Variants in SIK3 observed in about 807,000 individuals in gnomAD.
The protein encoded by SIK3 is SIK family kinase 3.
SIK3 carries 28 observed loss-of-function variants against 144.2 expected under a neutral mutation model. The observed-to-expected ratio is 0.19, with a 90% CI of 0.14 to 0.27. SIK3 has a LOEUF of 0.27. Among genes scored for constraint, SIK3 ranks in the 10% least tolerant of loss-of-function variants. The pLI is 1.00. For synonymous variants in SIK3, 686 were observed against 676.3 expected (o/e 1.01, Z -0.22); for missense variants, 1,319 against 1,776.0 (o/e 0.74, Z 4.62).
chr11:117,053,038 A>T (rs1953334187), intron 1 of SIK3, among the ~76,000 whole-genome samples: 1 of 152,148 alleles, frequency 6.6e-6, no homozygotes, highest in Non-Finnish European at 1.5e-5. Flanking sequence ...TGGGAAATAT[A>T]CACAAAAAAG....
chr11:116,887,896 A>AC (rs1944907270), intron 6 of SIK3, among the ~76,000 whole-genome samples: 1 of 152,226 alleles, frequency 6.6e-6, no homozygotes, highest in Non-Finnish European at 1.5e-5. Context: ...TTCCAACTTG[A>AC]AAATATATGT....
At chr11:117,039,092 T>G (rs951233426) in intron 1 of SIK3, among the ~76,000 whole-genome samples, 10 of 151,994 alleles carry the variant, frequency 6.6e-5, no homozygotes, top group Non-Finnish European at 1.5e-4. Context: ...ACGGAGCATC[T>G]TTAGATCAGA....
chr11:116,984,569 T>C (rs1199002301), intron 1 of SIK3, among the ~76,000 whole-genome samples: 1 of 152,184 alleles, frequency 6.6e-6, no homozygotes, highest in Admixed American at 6.5e-5. Flanking sequence ...AAAGTATGCA[T>C]TTGGTGCTGG....
intron 2 of SIK3, among the ~76,000 whole-genome samples, chr11:116,955,548 A>G (rs1949108101): frequency 6.6e-6 from 1 of 152,240 alleles, no homozygotes. Flanking sequence ...GCAAACTTGC[A>G]GAATTCAGTT....
chr11:116,927,318 C>T lies in SIK3; in HGVS notation c.517G>A (p.Val173Ile), dbSNP rs1303238161. 6.2e-7 allele frequency: 1 copy of T among 1,613,978 alleles called. No homozygotes were observed. Among genetic ancestry groups the T allele is most frequent in the Non-Finnish European group, 8.5e-7 (1 of 1,179,896 alleles). Residue 173 changes from valine (V) to isoleucine (I), a missense_variant, in exon 4 of 25, where the codon GTC becomes ATC. Val to Ile is a conservative substitution (Grantham distance 29, BLOSUM62 3). Coordinates refer to ENST00000445177, the MANE Select transcript of SIK3 (RefSeq NM_001366686.3). ...KEARRKFKQIVTAVYFCHCRN... is the reference protein window; with the variant it reads ...KEARRKFKQIITAVYFCHCRN... ...CAGTGACAAAAATAGACAGCTGTGA[C>T]GATCTGTTTGAACTTCCGACGTGCC...
At chr11:116,886,244 T>C (rs558153920) in intron 6 of SIK3, among the ~76,000 whole-genome samples, 1 of 152,352 alleles carries the variant, frequency 6.6e-6, no homozygotes, top group South Asian at 2.1e-4. Flanking sequence ...AAGCACTACA[T>C]AGATTTTTCT....
intron 1 of SIK3, among the ~76,000 whole-genome samples, chr11:117,085,645 A>C (rs959609016): frequency 6.6e-6 from 1 of 152,154 alleles, no homozygotes; most frequent in African/African-American, 2.4e-5. Context: ...TATTCCCTCT[A>C]CTTTCATTTA....
chr11:117,086,634 T>C (rs1019643428), intron 1 of SIK3, among the ~76,000 whole-genome samples: 4 of 150,414 alleles, frequency 2.7e-5, no homozygotes, highest in African/African-American at 7.4e-5. Flanking sequence ...GAGGTTGCAG[T>C]GAGCAGAGAC....
chr11:116,900,384 G>A (rs904206843), intron 4 of SIK3, among the ~76,000 whole-genome samples: 2 of 152,050 alleles, frequency 1.3e-5, no homozygotes, highest in Admixed American at 1.3e-4. Context: ...TCCCTAGCTT[G>A]ACTGATGCTA....
intron 6 of SIK3, among the ~76,000 whole-genome samples, chr11:116,880,551 G>A (rs902359961): frequency 2.0e-5 from 3 of 152,098 alleles, no homozygotes; most frequent in Non-Finnish European, 2.9e-5. Context: ...TGGTGCAGAT[G>A]GAAAATATGA....
chr11:117,075,505 C>G (rs1954470847), intron 1 of SIK3, among the ~76,000 whole-genome samples: 1 of 151,418 alleles, frequency 6.6e-6, no homozygotes, highest in Non-Finnish European at 1.5e-5. Context: ...TATCTATGTG[C>G]TATGTATATC....
At chr11:117,042,670 G>A (rs1486655848) in intron 1 of SIK3, among the ~76,000 whole-genome samples, 1 of 152,180 alleles carries the variant, frequency 6.6e-6, no homozygotes, top group Non-Finnish European at 1.5e-5. Context: ...CTAAATATGA[G>A]TAATCATCCT....
At chr11:116,908,098 C>T (rs1946144248) in intron 4 of SIK3, among the ~76,000 whole-genome samples, 1 of 151,578 alleles carries the variant, frequency 6.6e-6, no homozygotes, top group South Asian at 2.1e-4. Context: ...AACTTCGTTA[C>T]ATTAGAATTA....
intron 1 of SIK3, among the ~76,000 whole-genome samples, chr11:117,084,261 T>G (rs1360532423): frequency 6.6e-6 from 1 of 152,042 alleles, no homozygotes; most frequent in African/African-American, 2.4e-5. Context: ...AGTTTTTTGG[T>G]TTTTTTGTGG....
intron 1 of SIK3, among the ~76,000 whole-genome samples, chr11:116,982,417 T>C (rs1319406099): frequency 6.6e-6 from 1 of 151,628 alleles, no homozygotes; most frequent in African/African-American, 2.4e-5. Context: ...GCCTCCCGAG[T>C]AGCTGGGATT....
At chr11:116,882,252 G>A (rs993705927) in intron 6 of SIK3, among the ~76,000 whole-genome samples, 3 of 152,180 alleles carry the variant, frequency 2.0e-5, no homozygotes, top group African/African-American at 4.8e-5. Context: ...AATGGGGAGC[G>A]TTGTCTTATT....
chr11:116,899,327 C>G (rs969907815), intron 4 of SIK3, among the ~76,000 whole-genome samples: 3 of 152,000 alleles, frequency 2.0e-5, no homozygotes, highest in Non-Finnish European at 4.4e-5. Context: ...TTCCATTGAT[C>G]TATATCTCTG....
At chr11:116,894,809 G>A (rs748295996) in intron 6 of SIK3, among the ~76,000 whole-genome samples, 1 of 152,086 alleles carries the variant, frequency 6.6e-6, no homozygotes, top group Non-Finnish European at 1.5e-5. Context: ...TCTCCATCTC[G>A]ACACCCCAGA....
At chr11:117,013,913 A>AGGGG (rs1565556671) in intron 1 of SIK3, among the ~76,000 whole-genome samples, 3 of 23,558 alleles carry the variant, frequency 1.3e-4, no homozygotes, top group East Asian at 2.3e-3. Context: ...GGGGGGGGGG[A>AGGGG]GGGTGTGTGT....
Sources: allele counts gnomAD v4.1 joint callset (sites outside exome capture counted in the v4.1 genomes callset), GRCh38; gene constraint gnomAD v4.1.1; transcripts MANE v1.5; gene names NCBI Gene and HGNC (gene_info 2026-07-23, HGNC 2026-07-21).